KSR2: variants seen among roughly 807,000 people sequenced by gnomAD.
The protein encoded by KSR2 is kinase suppressor of ras 2.
Under a neutral mutation model 107.8 loss-of-function variants are expected in KSR2, and 25 were observed. That is an observed-to-expected ratio of 0.23 (90% CI 0.17 to 0.32). The LOEUF is 0.32. Ranked by LOEUF, KSR2 falls within the 10% of genes least tolerant of loss-of-function variation. The pLI, the probability that KSR2 is intolerant of heterozygous loss-of-function variation, is 1.00. For synonymous variants in KSR2, 480 were observed against 507.0 expected (o/e 0.95, Z 0.71); for missense variants, 887 against 1,268.9 (o/e 0.70, Z 4.57).
At chr12:117,588,139 G>A (rs1180522381) in intron 5 of KSR2, among the ~76,000 whole-genome samples, 1 of 152,146 alleles carries the variant, frequency 6.6e-6, no homozygotes, top group Admixed American at 6.5e-5. Flanking sequence ...AGCAAAGGGG[G>A]TGTACTCATT....
intron 3 of KSR2, among the ~76,000 whole-genome samples, chr12:117,813,172 T>G (rs1891259936): frequency 6.6e-6 from 1 of 152,074 alleles, no homozygotes; most frequent in South Asian, 2.1e-4. Context: ...ACTTTAAACT[T>G]AAAACTACTA....
At chr12:117,499,753 G>C (rs1290355562) in intron 14 of KSR2, among the ~76,000 whole-genome samples, 2 of 152,170 alleles carry the variant, frequency 1.3e-5, no homozygotes, top group Non-Finnish European at 2.9e-5. Context: ...GGAAGACAGA[G>C]TTTACTGTTC....
chr12:117,530,931 T>C lies in KSR2; in HGVS notation c.1802+10A>G. On this transcript the variant is annotated intron_variant, in intron 12 of 19. Transcript: ENST00000339824. Reference sequence around the variant, plus strand: ...TTGGGAAAGGGGGAAGATGTCTCTGTCTCACTTACATTGGATTCGAGGTCA... The same window carrying C: ...TTGGGAAAGGGGGAAGATGTCTCTGCCTCACTTACATTGGATTCGAGGTCA... 1 of 1,613,106 alleles carries C rather than the reference T, an allele frequency of 6.2e-7. No homozygotes were observed. The highest frequency in any genetic ancestry group is 8.5e-7 in the Non-Finnish European group (1 of 1,179,200).
Position 117,933,418 on chromosome 12 carries a change from G to A in KSR2, c.180+34658C>T, listed in dbSNP as rs75697579. On this transcript the variant is annotated intron_variant, in intron 1 of 19. Coordinates refer to ENST00000339824, the MANE Select transcript of KSR2 (RefSeq NM_173598.6). The stretch of plus-strand genomic sequence containing the variant: ...ATCCTGGCTAACACGGTGAGACTCC[G>A]TCTCTACTGAAAATACAAAAAATTA... Among the ~76,000 whole-genome samples the A allele has an allele frequency of 1.8e-3, 267 of 152,046 alleles. 1 individual carries two copies. The highest frequency in any genetic ancestry group is 6.1e-3 in the African/African-American group (253 of 41,488).
chr12:117,877,714 C>T (rs1165860699), intron 1 of KSR2, among the ~76,000 whole-genome samples: 4 of 152,136 alleles, frequency 2.6e-5, no homozygotes, highest in Non-Finnish European at 5.9e-5. Context: ...AGGGAGGCTG[C>T]CCCCAAGCCT....
At chr12:117,731,801 C>T (rs1455704340) in intron 4 of KSR2, among the ~76,000 whole-genome samples, 1 of 150,900 alleles carries the variant, frequency 6.6e-6, no homozygotes, top group Non-Finnish European at 1.5e-5. Context: ...AAGGGCGGTG[C>T]AAGATGTGCT....
At chr12:117,555,436 G>T (rs140078506) in intron 8 of KSR2, 143 bp from the exon 9 acceptor site, 6 of 783,134 alleles carry the variant, frequency 7.7e-6, no homozygotes, top group African/African-American at 6.9e-5. Context: ...TGATTCTGTG[G>T]TGGGATCAGG....
intron 9 of KSR2, among the ~76,000 whole-genome samples, chr12:117,546,405 T>C (rs1757483838): frequency 6.6e-6 from 1 of 152,218 alleles, no homozygotes; most frequent in South Asian, 2.1e-4. Flanking sequence ...TTTGTCTGTC[T>C]TCAGTTTTCA....
chr12:117,525,961 G>A (rs1300169333), intron 13 of KSR2, among the ~76,000 whole-genome samples: 2 of 152,194 alleles, frequency 1.3e-5, no homozygotes, highest in South Asian at 2.1e-4. Context: ...TGAGCCAGTT[G>A]CTTTACTTCC....
intron 4 of KSR2, among the ~76,000 whole-genome samples, chr12:117,720,699 T>A (rs1173526126): frequency 6.6e-6 from 1 of 152,200 alleles, no homozygotes; most frequent in Non-Finnish European, 1.5e-5. Context: ...TACATCACGA[T>A]AAATGCTATG....
chr12:117,710,338 A>C (rs997715768), intron 4 of KSR2, among the ~76,000 whole-genome samples: 1 of 152,236 alleles, frequency 6.6e-6, no homozygotes, highest in African/African-American at 2.4e-5. Flanking sequence ...GGAAATGGGA[A>C]AGTTTCAGAG....
intron 1 of KSR2, among the ~76,000 whole-genome samples, chr12:117,922,314 C>T (rs1895368731): frequency 6.6e-6 from 1 of 152,142 alleles, no homozygotes; most frequent in South Asian, 2.1e-4. Flanking sequence ...GTTCATGGCT[C>T]AAGATCAGCT....
chr12:117,676,331 G>A (rs1885117481), intron 4 of KSR2, among the ~76,000 whole-genome samples: 1 of 152,222 alleles, frequency 6.6e-6, no homozygotes, highest in African/African-American at 2.4e-5. Flanking sequence ...ATTTCCCCAA[G>A]TGTGGAGGAA....
chr12:117,689,318 T>C (rs1349679716), intron 4 of KSR2, among the ~76,000 whole-genome samples: 2 of 152,148 alleles, frequency 1.3e-5, no homozygotes, highest in Admixed American at 1.3e-4. Context: ...GATGTCTTAA[T>C]AAGAGAGTGA....
In KSR2 at chr12:117,760,359, G is replaced by A. The variant is rs1422662804; in HGVS notation, c.986+652C>T. 3.3e-5 allele frequency among the ~76,000 whole-genome samples: 5 copies of A among 152,246 alleles called. No homozygotes were observed. In the South Asian group the frequency reaches 6.2e-4, roughly 19 times the overall value. On this transcript the variant is annotated intron_variant, in intron 4 of 19. Transcript: ENST00000339824. ...CTACCACCTTCAACTGAGATGAGCC[G>A]TGGATATAAAATACACATTCAATTT...
intron 9 of KSR2, among the ~76,000 whole-genome samples, chr12:117,548,983 G>A (rs891267984): frequency 5.9e-5 from 9 of 152,178 alleles, no homozygotes; most frequent in Non-Finnish European, 1.2e-4. Flanking sequence ...AGCCCCAGTA[G>A]AAGGCAGGGA....
intron 19 of KSR2, among the ~76,000 whole-genome samples, chr12:117,468,070 C>T (rs1286861637): frequency 6.6e-6 from 1 of 152,160 alleles, no homozygotes; most frequent in Non-Finnish European, 1.5e-5. Flanking sequence ...TCTAACTTGC[C>T]AGCACTCCTT....
At chr12:117,920,673 A>T (rs2137458882) in intron 1 of KSR2, among the ~76,000 whole-genome samples, 1 of 152,218 alleles carries the variant, frequency 6.6e-6, no homozygotes, top group Non-Finnish European at 1.5e-5. Context: ...AGAGAGGTGA[A>T]ATCTTTTTCC....
At chr12:117,834,055 G>T (rs999031849) in intron 3 of KSR2, among the ~76,000 whole-genome samples, 1 of 151,858 alleles carries the variant, frequency 6.6e-6, no homozygotes, top group Admixed American at 6.6e-5. Context: ...GGAGGAGGAC[G>T]GCTTGAGCCT....
Sources: allele counts gnomAD v4.1 joint callset (sites outside exome capture counted in the v4.1 genomes callset), GRCh38; gene constraint gnomAD v4.1.1; transcripts MANE v1.5; gene names NCBI Gene and HGNC (gene_info 2026-07-23, HGNC 2026-07-21).